PAQR8: variants seen among roughly 807,000 people sequenced by gnomAD.
The protein encoded by PAQR8 is membrane progestin receptor beta.
Under a neutral mutation model 25.2 loss-of-function variants are expected in PAQR8, and 17 were observed. That is an observed-to-expected ratio of 0.67 (90% confidence interval 0.46 to 1.01). The LOEUF is 1.01. Ranked by LOEUF, PAQR8 falls within the 50% of genes least tolerant of loss-of-function variation. PAQR8 has a pLI of 0.00. For synonymous variants in PAQR8, 204 were observed against 190.6 expected (o/e 1.07, Z -0.58); for missense variants, 392 against 448.4 (o/e 0.87, Z 1.14).
chr6:52,392,171 G>A (rs758553057), intron 1 of PAQR8, among the ~76,000 whole-genome samples: 23 of 151,916 alleles, frequency 1.5e-4, no homozygotes, highest in African/African-American at 3.4e-4. Context: ...GTGAAACCCC[G>A]TCTCTACTAA....
chr6:52,375,148 A>G (rs1763470872), intron 1 of PAQR8, among the ~76,000 whole-genome samples: 1 of 152,076 alleles, frequency 6.6e-6, no homozygotes. Context: ...GGGGTGGCAA[A>G]TATATGGCTC....
At chr6:52,381,299 A>T (rs540681828) in intron 1 of PAQR8, among the ~76,000 whole-genome samples, 1 of 150,102 alleles carries the variant, frequency 6.7e-6, no homozygotes, top group East Asian at 2.0e-4. Context: ...GGCAACAAGC[A>T]TTGGTGGATT....
chr6:52,365,669 AACT>A (rs1763343558), intron 1 of PAQR8, among the ~76,000 whole-genome samples: 1 of 152,192 alleles, frequency 6.6e-6, no homozygotes, highest in Non-Finnish European at 1.5e-5. Flanking sequence ...TTTTGCAACT[AACT>A]ACAAATAGAA....
chr6:52,372,299 T>C (rs7766450), intron 1 of PAQR8, among the ~76,000 whole-genome samples: 1,914 of 152,292 alleles, frequency 0.013, 22 homozygotes, highest in African/African-American at 0.033. Context: ...ATCTAGGTAA[T>C]GAATATTGGA....
chr6:52,389,952 C>A (rs926145962), intron 1 of PAQR8, among the ~76,000 whole-genome samples: 2 of 152,158 alleles, frequency 1.3e-5, no homozygotes, highest in African/African-American at 4.8e-5. Flanking sequence ...CCAAACCACA[C>A]CTAACGAAGC....
At chr6:52,383,671 A>AAAC (rs1554255878) in intron 1 of PAQR8, among the ~76,000 whole-genome samples, 3 of 151,904 alleles carry the variant, frequency 2.0e-5, no homozygotes, top group South Asian at 2.1e-4. Context: ...AAAAAAAAAA[A>AAAC]AAAAAACCAG....
chr6:52,377,096 T>C (rs781778981), intron 1 of PAQR8, among the ~76,000 whole-genome samples: 15 of 152,224 alleles, frequency 9.9e-5, no homozygotes, highest in Non-Finnish European at 1.9e-4. Flanking sequence ...AGGCACACTT[T>C]TGCTTTAAAA....
chr6:52,367,172 T>TCTAATGAGTG (rs1216264950), intron 1 of PAQR8, among the ~76,000 whole-genome samples: 2 of 152,148 alleles, frequency 1.3e-5, no homozygotes, highest in East Asian at 3.8e-4. Flanking sequence ...GTTACTGGCA[T>TCTAATGAGTG]CTAATGAGTG....
intron 1 of PAQR8, among the ~76,000 whole-genome samples, chr6:52,370,708 A>G (rs894383592): frequency 1.2e-4 from 18 of 152,226 alleles, no homozygotes; most frequent in African/African-American, 4.3e-4. Context: ...AGCTTCTGCA[A>G]TGGCACAGAG....
In PAQR8 at chr6:52,407,225, C is replaced by A. The variant is rs1466698677; in HGVS notation, c.*2947C>A. 2 of 167,028 alleles carry A rather than the reference C, an allele frequency of 1.2e-5. No individual in the cohort carries two copies. The highest frequency in any genetic ancestry group is 2.9e-5 in the Non-Finnish European group (2 of 68,102). 10.3% of individuals were successfully genotyped at this position (167,028 alleles called of 1,614,324 possible). On this transcript the variant is annotated 3_prime_UTR_variant, in exon 2 of 2. Transcript: ENST00000442253. ...CCTTTGAAAAAACTAAACTATCAGT[C>A]ATTTACATCCTCTCATGAATGAAAT...
intron 1 of PAQR8, among the ~76,000 whole-genome samples, chr6:52,365,978 A>G (rs1763347246): frequency 6.6e-6 from 1 of 152,158 alleles, no homozygotes; most frequent in Non-Finnish European, 1.5e-5. Context: ...ATATTATTCT[A>G]ACGAAACAGC....
chr6:52,371,387 G>A (rs1205112545), intron 1 of PAQR8, among the ~76,000 whole-genome samples: 4 of 152,070 alleles, frequency 2.6e-5, no homozygotes, highest in Non-Finnish European at 5.9e-5. Flanking sequence ...GACTTGAATT[G>A]GAGCACTTTT....
rs1763918951 is a variant in PAQR8 at position 52,407,039 on chromosome 6, C to T, written c.*2761C>T. 6.0e-6 allele frequency: 1 copy of T among 167,216 alleles called. No homozygotes were observed. The highest frequency in any genetic ancestry group is 6.5e-5 in the Admixed American group (1 of 15,276). The allele number at this position is 167,216 out of a possible 1,614,324, so 10.4% of individuals were successfully genotyped here. Reference sequence around the variant, plus strand: ...AACATTTTTGTTAAAGTTAGTGTATCAGTAAGAAACAGACCTAGTTTAAAA... The same window carrying T: ...AACATTTTTGTTAAAGTTAGTGTATTAGTAAGAAACAGACCTAGTTTAAAA... On this transcript the variant is annotated 3_prime_UTR_variant, in exon 2 of 2. Coordinates refer to ENST00000442253, the MANE Select transcript of PAQR8 (RefSeq NM_133367.5).
rs749932038 is a variant in PAQR8 at position 52,403,912 on chromosome 6, G to A, written c.699G>A (p.Ala233=). 2.5e-6 allele frequency: 4 copies of A among 1,614,208 alleles called. No homozygotes were observed. Among genetic ancestry groups the A allele is most frequent in the South Asian group, 1.1e-5 (1 of 91,086 alleles). ...TCAGCCCTGTGGCACACCGTGTGGC[G>A]CTCTGTCACCTGGCTGGCTGCCAGG... The part of the protein sequence containing the change: ...LDISPVAHRV[A]LCHLAGCQEQ... The change falls in exon 2 of 2, where the codon GCG becomes GCA. Residue 233 remains alanine (A), a synonymous_variant. Transcript: ENST00000442253.
intron 1 of PAQR8, among the ~76,000 whole-genome samples, chr6:52,374,982 C>T (rs1007507164): frequency 6.0e-5 from 9 of 150,588 alleles, no homozygotes; most frequent in African/African-American, 2.2e-4. Flanking sequence ...GAGGGAAATA[C>T]ATTTTCAGGG....
chr6:52,375,493 G>T (rs13210154), intron 1 of PAQR8, among the ~76,000 whole-genome samples: 1 of 152,178 alleles, frequency 6.6e-6, no homozygotes, highest in African/African-American at 2.4e-5. Context: ...AAACAGAAGA[G>T]AAAGCAAAAT....
At position 52,380,560 on chromosome 6, in the gene PAQR8, G is replaced by T. The variant is rs150243584; in HGVS notation, c.-53+18311G>T. ...TATAACCTAGAAACAAACACCAAGG[G>T]TTTGATTTCTTTAGTTATTCCAAAA... On this transcript the variant is annotated intron_variant, in intron 1 of 1. Coordinates refer to ENST00000442253, the MANE Select transcript of PAQR8 (RefSeq NM_133367.5). Among the ~76,000 whole-genome samples, 311 of 152,254 alleles carry T rather than the reference G, an allele frequency of 2.0e-3. 1 individual carries two copies. Among genetic ancestry groups the T allele is most frequent in the African/African-American group, 7.0e-3 (291 of 41,536 alleles).
At chr6:52,390,602 G>A (rs1038411238) in intron 1 of PAQR8, among the ~76,000 whole-genome samples, 23 of 152,126 alleles carry the variant, frequency 1.5e-4, no homozygotes, top group African/African-American at 5.6e-4. Flanking sequence ...ACGTATTAAT[G>A]CCGTTTGAGT....
intron 1 of PAQR8, among the ~76,000 whole-genome samples, chr6:52,381,260 T>C (rs930144345): frequency 2.6e-5 from 4 of 152,204 alleles, no homozygotes; most frequent in African/African-American, 7.2e-5. Flanking sequence ...AGGAAACGGA[T>C]TCTCTCTCTA....
Sources: allele counts gnomAD v4.1 joint callset (sites outside exome capture counted in the v4.1 genomes callset), GRCh38; gene constraint gnomAD v4.1.1; transcripts MANE v1.5; gene names NCBI Gene and HGNC (gene_info 2026-07-23, HGNC 2026-07-21).